Variants in CNTN5 observed in about 807,000 individuals in gnomAD.
CNTN5 encodes the protein contactin-5.
CNTN5 carries 77 observed loss-of-function variants against 129.1 expected under a neutral mutation model. The ratio of observed to expected loss-of-function variants is 0.60; its 90% CI spans 0.50 to 0.72. CNTN5 has a LOEUF of 0.72. CNTN5 is among the 30% of genes least tolerant of loss of function. The probability of loss-of-function intolerance (pLI) is 0.00; values close to 1 mark genes in which losing one functional copy is unlikely to be tolerated. For missense variants in CNTN5, 1,478 were observed against 1,328.8 expected, an observed-to-expected ratio of 1.11 and a Z score of -1.75; for synonymous variants, 509 against 465.6, an observed-to-expected ratio of 1.09 and a Z score of -1.20.
At chr11:99,424,915 G>A (rs1317832094) in intron 2 of CNTN5, among the ~76,000 whole-genome samples, 2 of 152,238 alleles carry the variant, frequency 1.3e-5, no homozygotes, top group Non-Finnish European at 2.9e-5. Flanking sequence ...CACTGAGACA[G>A]AACAGCTCAG....
At chr11:99,309,725 C>G (rs1026325633) in intron 1 of CNTN5, among the ~76,000 whole-genome samples, 2 of 152,196 alleles carry the variant, frequency 1.3e-5, no homozygotes, top group Non-Finnish European at 2.9e-5. Flanking sequence ...TTATGCATCT[C>G]AACTCCAAAA....
intron 6 of CNTN5, 22 bp downstream of exon 6, chr11:99,845,284 T>C: frequency 6.6e-7 from 1 of 1,520,522 alleles, no homozygotes; most frequent in Non-Finnish European, 9.0e-7. Context: ...ATATGATTTT[T>C]CTATATATAT....
chr11:99,794,586 C>T (rs1028150189), intron 3 of CNTN5, among the ~76,000 whole-genome samples: 1 of 152,132 alleles, frequency 6.6e-6, no homozygotes, highest in Non-Finnish European at 1.5e-5. Context: ...ATATTTAGCA[C>T]TCCTTCAGGA....
At chr11:99,031,827 A>C (rs1863393375) in intron 1 of CNTN5, among the ~76,000 whole-genome samples, 1 of 151,462 alleles carries the variant, frequency 6.6e-6, no homozygotes, top group Non-Finnish European at 1.5e-5. Flanking sequence ...CAGGTTAGTT[A>C]CATATGTATA....
chr11:100,284,366 C>G (rs534094417), intron 18 of CNTN5, among the ~76,000 whole-genome samples: 5 of 152,140 alleles, frequency 3.3e-5, no homozygotes, highest in Admixed American at 3.3e-4. Context: ...TATTTTCTTA[C>G]AAGTTTTAGT....
chr11:100,015,960 T>C (rs1327681933), intron 9 of CNTN5, among the ~76,000 whole-genome samples: 1 of 152,124 alleles, frequency 6.6e-6, no homozygotes, highest in Non-Finnish European at 1.5e-5. Flanking sequence ...ATTCTTGTTC[T>C]TCCCAATTCA....
intron 3 of CNTN5, among the ~76,000 whole-genome samples, chr11:99,812,284 A>G (rs1946451380): frequency 6.6e-6 from 1 of 152,072 alleles, no homozygotes; most frequent in Admixed American, 6.6e-5. Context: ...AAAAAATGTA[A>G]TCATTTCCTT....
At chr11:100,286,376 G>A (rs1286812532) in intron 18 of CNTN5, among the ~76,000 whole-genome samples, 1 of 151,628 alleles carries the variant, frequency 6.6e-6, no homozygotes, top group Non-Finnish European at 1.5e-5. Context: ...TTTGAAGAGA[G>A]CAGTGGTTCT....
At chr11:100,159,824 A>G (rs761248061) in intron 13 of CNTN5, among the ~76,000 whole-genome samples, 1 of 151,102 alleles carries the variant, frequency 6.6e-6, no homozygotes, top group Non-Finnish European at 1.5e-5. Context: ...TCCAAAATAG[A>G]CATAATCTAG....
At chr11:100,195,966 G>A (rs1948628042) in intron 15 of CNTN5, among the ~76,000 whole-genome samples, 1 of 151,930 alleles carries the variant, frequency 6.6e-6, no homozygotes, top group Non-Finnish European at 1.5e-5. Context: ...CTGGGCTTGT[G>A]GATACCTTCT....
At chr11:99,065,408 A>G (rs1865060271) in intron 1 of CNTN5, among the ~76,000 whole-genome samples, 1 of 152,188 alleles carries the variant, frequency 6.6e-6, no homozygotes. Flanking sequence ...AAAGGAATGT[A>G]TAAGCACAGA....
chr11:99,418,109 G>A (rs973937402), intron 2 of CNTN5, among the ~76,000 whole-genome samples: 4 of 152,020 alleles, frequency 2.6e-5, no homozygotes, highest in African/African-American at 9.7e-5. Flanking sequence ...AGAAAAGTCA[G>A]CCTTGCTAAG....
At position 99,654,951 on chromosome 11, in the gene CNTN5, C is replaced by G. The variant is rs531229706; in HGVS notation, c.55+98682C>G. 2.9e-3 allele frequency among the ~76,000 whole-genome samples: 444 copies of G among 152,152 alleles called. 2 individuals are homozygous for G. Among genetic ancestry groups the G allele is most frequent in the African/African-American group, 0.01 (416 of 41,530 alleles). On this transcript the variant is annotated intron_variant, in intron 3 of 24. Coordinates refer to ENST00000524871, the MANE Select transcript of CNTN5 (RefSeq NM_014361.4). The stretch of plus-strand genomic sequence containing the variant: ...GAGGAGATGGGAGGACACATCAACT[C>G]TATCTCAACTTATATGGGTTTAGAG...
At chr11:99,577,366 A>G (rs550320396) in intron 3 of CNTN5, among the ~76,000 whole-genome samples, 2 of 152,152 alleles carry the variant, frequency 1.3e-5, no homozygotes, top group Non-Finnish European at 2.9e-5. Flanking sequence ...GGCTCTTCAC[A>G]TTTAGGAAAA....
chr11:99,085,583 A>ACATTTTT (rs1865974574), intron 1 of CNTN5, among the ~76,000 whole-genome samples: 1 of 152,178 alleles, frequency 6.6e-6, no homozygotes, highest in South Asian at 2.1e-4. Context: ...AGTTTTTCTA[A>ACATTTTT]GAGTCTCCAA....
intron 3 of CNTN5, among the ~76,000 whole-genome samples, chr11:99,648,835 CAT>C (rs1565387473): frequency 6.6e-6 from 1 of 151,740 alleles, no homozygotes; most frequent in Non-Finnish European, 1.5e-5. Context: ...ATGTCCCACT[CAT>C]ATGCAGAAAA....
At chr11:99,814,451 A>T (rs971396890) in intron 3 of CNTN5, among the ~76,000 whole-genome samples, 1 of 152,192 alleles carries the variant, frequency 6.6e-6, no homozygotes, top group Non-Finnish European at 1.5e-5. Context: ...TGTTTCTTGG[A>T]ATCTCACAAA....
intron 3 of CNTN5, among the ~76,000 whole-genome samples, chr11:99,634,704 G>A (rs1383975062): frequency 6.6e-6 from 1 of 152,132 alleles, no homozygotes; most frequent in African/African-American, 2.4e-5. Context: ...ATTTGTGAAT[G>A]TATTCCTAAG....
chr11:100,155,485 G>A (rs187162218), intron 13 of CNTN5, among the ~76,000 whole-genome samples: 1 of 152,188 alleles, frequency 6.6e-6, no homozygotes, highest in Non-Finnish European at 1.5e-5. Context: ...TTTTGCTTAG[G>A]ATTGTCTTGG....
Sources: allele counts gnomAD v4.1 joint callset (sites outside exome capture counted in the v4.1 genomes callset), GRCh38; gene constraint gnomAD v4.1.1; transcripts MANE v1.5; gene names NCBI Gene and HGNC (gene_info 2026-07-23, HGNC 2026-07-21).